ERC1: variants seen among roughly 807,000 people sequenced by gnomAD.
The protein encoded by ERC1 is RAB6 interacting protein 2.
In ERC1, 56 loss-of-function variants were observed where a neutral mutation model predicts 132.0. The observed-to-expected ratio is 0.42, with a 90% CI of 0.34 to 0.53. The LOEUF is 0.53. Ranked by LOEUF, ERC1 falls within the 20% of genes least tolerant of loss-of-function variation. The pLI is 0.03. For missense variants in ERC1, 1,202 were observed against 1,349.9 expected (o/e 0.89, Z 1.72); for synonymous variants, 478 against 476.1 (o/e 1.00, Z -0.05).
At chr12:1,004,842 G>A (rs1409829116) in intron 1 of ERC1, among the ~76,000 whole-genome samples, 1 of 55,956 alleles carries the variant, frequency 1.8e-5, no homozygotes, top group Admixed American at 1.7e-4. Flanking sequence ...GTGTGTGTGT[G>A]TGTGTGTATA....
intron 8 of ERC1, among the ~76,000 whole-genome samples, chr12:1,154,278 C>T (rs540691864): frequency 2.4e-3 from 296 of 122,118 alleles, no homozygotes; most frequent in South Asian, 6.5e-3. Context: ...TACACATATA[C>T]ATGTATATAT....
intron 17 of ERC1, among the ~76,000 whole-genome samples, chr12:1,425,440 G>A (rs894539619): frequency 2.0e-5 from 3 of 152,168 alleles, no homozygotes; most frequent in African/African-American, 7.2e-5. Flanking sequence ...ATTCTCACCA[G>A]CCCAAATTCC....
intron 8 of ERC1, among the ~76,000 whole-genome samples, chr12:1,159,962 A>G (rs1951739619): frequency 6.6e-6 from 1 of 152,232 alleles, no homozygotes; most frequent in South Asian, 2.1e-4. Context: ...AAAGTGGTAT[A>G]TACTCAGGAT....
intron 7 of ERC1, among the ~76,000 whole-genome samples, chr12:1,132,542 T>C (rs1186936561): frequency 2.6e-5 from 4 of 152,152 alleles, no homozygotes; most frequent in Non-Finnish European, 5.9e-5. Context: ...AACTGAATCA[T>C]GGATCCAATA....
chr12:1,026,348 C>T (rs1160349318), intron 1 of ERC1, among the ~76,000 whole-genome samples: 1 of 152,130 alleles, frequency 6.6e-6, no homozygotes, highest in Non-Finnish European at 1.5e-5. Flanking sequence ...AAGATGATTG[C>T]AATTCAAGGT....
At chr12:1,193,431 TACACAC>T (rs57726333) in intron 12 of ERC1, among the ~76,000 whole-genome samples, 42 of 149,030 alleles carry the variant, frequency 2.8e-4, no homozygotes, top group East Asian at 2.4e-3. Flanking sequence ...ATTAGTAGGA[TACACAC>T]ACACACACAC....
intron 16 of ERC1, among the ~76,000 whole-genome samples, chr12:1,398,605 C>A (rs1285398352): frequency 6.6e-6 from 1 of 152,220 alleles, no homozygotes; most frequent in African/African-American, 2.4e-5. Flanking sequence ...AAATAATAAA[C>A]ACCCCACAGC....
intron 12 of ERC1, among the ~76,000 whole-genome samples, chr12:1,208,997 C>A (rs1391047311): frequency 9.0e-6 from 1 of 110,572 alleles, no homozygotes; most frequent in Non-Finnish European, 1.7e-5. Context: ...GAGGTGGAGT[C>A]TTGCCCTGTC....
rs371903952 is a variant in ERC1, at chr12:1,408,161, A to C, written c.2938A>C (p.Met980Leu). 28 of 1,613,662 alleles carry C rather than the reference A, an allele frequency of 1.7e-5. No homozygotes were observed. The highest frequency in any genetic ancestry group is 2.4e-5 in the Non-Finnish European group (28 of 1,179,758). ...AATTTCTTCCTAGACGCAAAATCGA[A>C]TGAAGCTAATGGCCGACAACTACGA... Reference protein sequence around the residue: ...QQLKQQTQNRMKLMADNYEDD... With the variant: ...QQLKQQTQNRLKLMADNYEDD... The change falls in exon 17 of 19, where the codon ATG (methionine) becomes CTG (leucine). Residue 980 changes from methionine to leucine, a missense_variant. Met to Leu is a conservative substitution (Grantham distance 15). Coordinates refer to ENST00000360905, the MANE Select transcript of ERC1 (RefSeq NM_178040.4).
chr12:1,122,601 G>GCCTATTGATATA (rs1947645683), intron 7 of ERC1, among the ~76,000 whole-genome samples: 2 of 4,370 alleles, frequency 4.6e-4, no homozygotes, highest in Non-Finnish European at 6.8e-4. Context: ...CTCTATCTGT[G>GCCTATTGATATA]TCTCTATCTC....
At chr12:1,130,262 G>A (rs1341691934) in intron 7 of ERC1, among the ~76,000 whole-genome samples, 1 of 152,180 alleles carries the variant, frequency 6.6e-6, no homozygotes, top group Non-Finnish European at 1.5e-5. Context: ...ACTTTGGAAG[G>A]CCGAGACAGG....
At chr12:1,047,665 TTAAA>T (rs2154166046) in intron 2 of ERC1, among the ~76,000 whole-genome samples, 1 of 152,348 alleles carries the variant, frequency 6.6e-6, no homozygotes, top group East Asian at 1.9e-4. Context: ...AAATGCTGAT[TTAAA>T]TAAATAGAAG....
At chr12:1,383,233 C>T (rs912928302) in intron 16 of ERC1, among the ~76,000 whole-genome samples, 1 of 152,176 alleles carries the variant, frequency 6.6e-6, no homozygotes, top group African/African-American at 2.4e-5. Context: ...CTGGTGCCCT[C>T]CTCTCCCTGT....
chr12:1,404,397 AAG>A (rs1491018393), intron 16 of ERC1, among the ~76,000 whole-genome samples: 4 of 152,082 alleles, frequency 2.6e-5, no homozygotes, highest in African/African-American at 4.8e-5. Flanking sequence ...AAAAAAAAAA[AAG>A]TATGTTATTT....
At chr12:1,219,870 C>G (rs1179147536) in intron 12 of ERC1, among the ~76,000 whole-genome samples, 1 of 152,134 alleles carries the variant, frequency 6.6e-6, no homozygotes, top group Admixed American at 6.5e-5. Flanking sequence ...AGCCACCGCA[C>G]CTGGCCTGAA....
intron 8 of ERC1, among the ~76,000 whole-genome samples, chr12:1,178,953 G>A (rs1954055561): frequency 6.6e-6 from 1 of 152,154 alleles, no homozygotes; most frequent in Admixed American, 6.5e-5. Flanking sequence ...GAACTCCTGT[G>A]TATATAGTGA....
At chr12:1,159,200 C>T (rs756305970) in intron 8 of ERC1, among the ~76,000 whole-genome samples, 127 of 152,246 alleles carry the variant, frequency 8.3e-4, no homozygotes, top group Non-Finnish European at 1.3e-3. Flanking sequence ...TCCTTAGAGC[C>T]TTTGGCACCA....
At chr12:1,169,871 T>C (rs1056531391) in intron 8 of ERC1, among the ~76,000 whole-genome samples, 1 of 152,162 alleles carries the variant, frequency 6.6e-6, no homozygotes, top group African/African-American at 2.4e-5. Context: ...CATTATGAAC[T>C]TGTGAAAGGT....
chr12:1,212,190 G>T (rs1356774206), intron 12 of ERC1, among the ~76,000 whole-genome samples: 1 of 152,048 alleles, frequency 6.6e-6, no homozygotes, highest in Non-Finnish European at 1.5e-5. Flanking sequence ...GTTTGGCTTT[G>T]CTTACCTTTA....
Sources: gnomAD v4.1 joint callset for allele counts (sites outside exome capture counted in the v4.1 genomes callset) on GRCh38, gnomAD v4.1.1 for gene constraint, MANE v1.5 for transcripts, NCBI Gene and HGNC (gene_info 2026-07-23, HGNC 2026-07-21) for gene names.